RIMBP2: variants seen among roughly 807,000 people sequenced by gnomAD.
RIMBP2 encodes the protein RIMS binding protein 2, also known as RIMS-binding protein 2.
A neutral mutation model predicts 118.6 loss-of-function variants in RIMBP2; 48 were observed. The ratio of observed to expected loss-of-function variants is 0.40; its 90% CI spans 0.32 to 0.51. RIMBP2 has a LOEUF of 0.51. Ranked by LOEUF, RIMBP2 falls within the 20% of genes least tolerant of loss-of-function variation. The probability of loss-of-function intolerance (pLI) is 0.41; values close to 1 mark genes in which losing one functional copy is unlikely to be tolerated. For missense variants in RIMBP2, 1,551 were observed against 1,768.3 expected, an observed-to-expected ratio of 0.88 and a Z score of 2.20; for synonymous variants, 762 against 742.9, an observed-to-expected ratio of 1.03 and a Z score of -0.42.
At chr12:130,451,145 G>A in intron 8 of RIMBP2, 50 bp downstream of exon 8, 3 of 1,592,338 alleles carry the variant, frequency 1.9e-6, no homozygotes, top group South Asian at 2.2e-5. Context: ...GTCCACACCA[G>A]ACACACACAG....
chr12:130,416,046 A>G (rs534450489), intron 17 of RIMBP2, among the ~76,000 whole-genome samples: 1 of 152,290 alleles, frequency 6.6e-6, no homozygotes, highest in South Asian at 2.1e-4. Flanking sequence ...AAAGATCTCT[A>G]CAAGGAGAAC....
rs564394921 is a variant in RIMBP2, at chr12:130,450,756, G to A, written c.504+439C>T. On this transcript the variant is annotated intron_variant, in intron 8 of 22. Coordinates refer to ENST00000690449, the MANE Select transcript of RIMBP2 (RefSeq NM_001393629.1). The surrounding 1 kb of genome is among the most constrained non-coding windows in gnomAD (Gnocchi z 4.8). ...TAACAGCTTTCAGTGGCTTCACCTC[G>A]GACTCAGACAAAAAGCCAAACGCTG... is the stretch of plus-strand genomic sequence containing the variant. Among the ~76,000 whole-genome samples the A allele has an allele frequency of 5.3e-5, 8 of 151,506 alleles. No individual in the cohort carries two copies. In the South Asian group the frequency reaches 1.5e-3, roughly 28 times the overall value.
At chr12:130,709,327 C>A (rs998736351) in intron 1 of RIMBP2, among the ~76,000 whole-genome samples, 9 of 152,222 alleles carry the variant, frequency 5.9e-5, no homozygotes, top group African/African-American at 2.2e-4. Context: ...AGCCAGGTCT[C>A]AGCCACTCGC....
At chr12:130,524,598 A>G (rs539181407) in intron 2 of RIMBP2, among the ~76,000 whole-genome samples, 41 of 152,346 alleles carry the variant, frequency 2.7e-4, no homozygotes, top group African/African-American at 9.1e-4. Flanking sequence ...TTTATTTAGA[A>G]TGAAATGCAG....
At chr12:130,642,588 G>A (rs573680672) in intron 1 of RIMBP2, among the ~76,000 whole-genome samples, 2 of 152,274 alleles carry the variant, frequency 1.3e-5, no homozygotes, top group East Asian at 1.9e-4. Flanking sequence ...CCCAGCCTGG[G>A]TTTAGTCTTA....
chr12:130,519,438 A>G (rs568691876), intron 2 of RIMBP2, among the ~76,000 whole-genome samples: 1 of 152,390 alleles, frequency 6.6e-6, no homozygotes, highest in South Asian at 2.1e-4. Context: ...TGATTACCCA[A>G]CCTTAGGGAA....
intron 2 of RIMBP2, among the ~76,000 whole-genome samples, chr12:130,587,209 G>C (rs2058947809): frequency 6.7e-6 from 1 of 148,462 alleles, no homozygotes; most frequent in African/African-American, 2.5e-5. Flanking sequence ...GGAGAAATAG[G>C]AACACTTTTA....
intron 2 of RIMBP2, among the ~76,000 whole-genome samples, chr12:130,574,404 C>A (rs1177869098): frequency 6.6e-6 from 1 of 152,092 alleles, no homozygotes; most frequent in African/African-American, 2.4e-5. Flanking sequence ...CCTAAGAAAA[C>A]CCCCCACAAC....
chr12:130,488,067 C>T (rs531851134), intron 4 of RIMBP2, among the ~76,000 whole-genome samples: 4 of 152,252 alleles, frequency 2.6e-5, no homozygotes, highest in African/African-American at 9.6e-5. Flanking sequence ...GGAATTAAAG[C>T]AATGATTTTG....
chr12:130,601,952 C>T (rs576927248), intron 2 of RIMBP2, among the ~76,000 whole-genome samples: 1 of 152,278 alleles, frequency 6.6e-6, no homozygotes, highest in East Asian at 1.9e-4. Context: ...CCTTATCACA[C>T]CCCCTGCAGC....
At chr12:130,532,306 T>C (rs2053507525) in intron 2 of RIMBP2, among the ~76,000 whole-genome samples, 1 of 148,908 alleles carries the variant, frequency 6.7e-6, no homozygotes, top group East Asian at 2.1e-4. Flanking sequence ...TCTAATGAGA[T>C]GCGTGTGTTT....
At chr12:130,430,823 G>C (rs2077105306) in intron 14 of RIMBP2, among the ~76,000 whole-genome samples, 1 of 151,874 alleles carries the variant, frequency 6.6e-6, no homozygotes, top group Non-Finnish European at 1.5e-5. Flanking sequence ...TGGAGACGGA[G>C]TTTCACCATG....
At chr12:130,495,727 C>T (rs1240760325) in intron 4 of RIMBP2, among the ~76,000 whole-genome samples, 2 of 152,160 alleles carry the variant, frequency 1.3e-5, no homozygotes, top group African/African-American at 2.4e-5. Context: ...ACGGTATTAG[C>T]AATTCTTGAT....
chr12:130,599,156 C>T (rs965348837), intron 2 of RIMBP2, among the ~76,000 whole-genome samples: 6 of 152,174 alleles, frequency 3.9e-5, no homozygotes, highest in African/African-American at 1.2e-4. Context: ...CCATCCTTCA[C>T]GATACGCAAA....
intron 6 of RIMBP2, chr12:130,465,952 A>G (rs548951334): frequency 6.6e-6 from 1 of 152,372 alleles, no homozygotes; most frequent in African/African-American, 2.4e-5. Context: ...CAGCCGTGGA[A>G]GGCCTGGACT....
At position 130,525,970 on chromosome 12, in the gene RIMBP2, G is replaced by C. The variant is rs2052738507; in HGVS notation, c.-216-8053C>G. The stretch of plus-strand genomic sequence containing the variant: ...GGACTCAAGCCCGGGCTGTGCAGCT[G>C]TCAGGTTTGAGACCCCCTCCTCCCT... On this transcript the variant is annotated intron_variant, in intron 2 of 22. Transcript: ENST00000690449. The surrounding 1 kb of genome is among the most constrained non-coding windows in gnomAD (Gnocchi z 4.4). Among the ~76,000 whole-genome samples, 1 of 152,182 alleles carries C rather than the reference G, an allele frequency of 6.6e-6. No homozygotes were observed. The highest frequency in any genetic ancestry group is 1.5e-5 in the Non-Finnish European group (1 of 68,000).
intron 22 of RIMBP2, 94 bp downstream of exon 22, chr12:130,399,585 G>A (rs935557074): frequency 1.1e-5 from 15 of 1,427,774 alleles, no homozygotes; most frequent in East Asian, 2.3e-5. Context: ...TACGCTTTTC[G>A]GCCCAAGATA....
rs1044125082 is a variant in RIMBP2, at chr12:130,456,797, ACT to A, written c.154-99_154-98del. ...ATGTGTTGTACGTGTGCACATGTGCACTGTGTGCACGTGTGTACACACGTGTT... is the reference window on the plus strand; with the variant it reads ...ATGTGTTGTACGTGTGCACATGTGCAGTGTGCACGTGTGTACACACGTGTT... On this transcript the variant is annotated intron_variant, in intron 6 of 22. Coordinates refer to ENST00000690449, the MANE Select transcript of RIMBP2 (RefSeq NM_001393629.1). 2.6e-5 allele frequency: 22 copies of A among 860,616 alleles called. No homozygotes were observed. In the East Asian group the frequency reaches 2.7e-4, roughly 10 times the overall value. 53.3% of individuals were successfully genotyped at this position (860,616 alleles called of 1,614,324 possible).
intron 1 of RIMBP2, among the ~76,000 whole-genome samples, chr12:130,713,239 A>AAGGAAGGAAGGAAGGAAGAT (rs1566477202): frequency 2.2e-4 from 33 of 149,196 alleles, no homozygotes; most frequent in South Asian, 1.5e-3. Flanking sequence ...GGAAGGAAGG[A>AAGGAAGGAAGGAAGGAAGAT]AGGAAGGAAG....
Sources: allele counts gnomAD v4.1 joint callset (sites outside exome capture counted in the v4.1 genomes callset), GRCh38; gene constraint gnomAD v4.1.1; non-coding constraint Gnocchi (gnomAD v3.1); transcripts MANE v1.5; gene names NCBI Gene and HGNC (gene_info 2026-07-23, HGNC 2026-07-21).